Variants in TNFRSF8 observed in about 807,000 individuals in gnomAD.
TNFRSF8 encodes the protein TNF receptor superfamily member 8.
TNFRSF8 carries 26 observed loss-of-function variants against 70.8 expected under a neutral mutation model. The ratio of observed to expected loss-of-function variants is 0.37; its 90% CI spans 0.27 to 0.51. The LOEUF (loss-of-function observed/expected upper bound fraction) is 0.51. TNFRSF8 is among the 20% of genes least tolerant of loss of function. The pLI, the probability that TNFRSF8 is intolerant of heterozygous loss-of-function variation, is 0.94. For synonymous variants in TNFRSF8, 356 were observed against 339.2 expected, an observed-to-expected ratio of 1.05 and a Z score of -0.54; for missense variants, 720 against 807.9, an observed-to-expected ratio of 0.89 and a Z score of 1.32.
intron 10 of TNFRSF8, 71 bp downstream of exon 10, chr1:12,123,898 G>A: frequency 1.5e-6 from 2 of 1,342,564 alleles, no homozygotes; most frequent in Non-Finnish European, 2.1e-6. Flanking sequence ...GATTGGGGGA[G>A]CCAGGAGGGA....
In TNFRSF8 at chr1:12,119,841, T is replaced by C. The variant is rs1195158581; in HGVS notation, c.947-3443T>C. ...TAAATACCTAGGAGGAGTGGCTAGG[T>C]CATTGTGCTGGTCACATAGTCAGAA... On this transcript the variant is annotated intron_variant, in intron 8 of 14. Transcript: ENST00000263932. This position sits in a 1 kb window ranked among gnomAD's most constrained non-coding sequence, Gnocchi z 4.4. 6.6e-6 allele frequency among the ~76,000 whole-genome samples: 1 copy of C among 152,166 alleles called. No homozygotes were observed. Among genetic ancestry groups the C allele is most frequent in the Non-Finnish European group, 1.5e-5 (1 of 68,034 alleles).
intron 1 of TNFRSF8, among the ~76,000 whole-genome samples, chr1:12,064,848 G>A (rs1276959062): frequency 6.6e-6 from 1 of 152,208 alleles, no homozygotes; most frequent in Non-Finnish European, 1.5e-5. Flanking sequence ...TCACCTGGGG[G>A]AAGGTAAGAG....
chr1:12,094,049 A>G (rs1466682580), intron 2 of TNFRSF8, among the ~76,000 whole-genome samples: 1 of 118,624 alleles, frequency 8.4e-6, no homozygotes, highest in South Asian at 2.9e-4. Flanking sequence ...ACAGAGCAAG[A>G]CTTTGTCTCA....
intron 2 of TNFRSF8, among the ~76,000 whole-genome samples, chr1:12,091,241 C>T (rs1311135419): frequency 6.6e-6 from 1 of 152,208 alleles, no homozygotes; most frequent in Non-Finnish European, 1.5e-5. Context: ...GATCTGAGTA[C>T]AGTTGGTGAT....
In TNFRSF8 at chr1:12,103,303, C is replaced by T. The variant is rs199782250; in HGVS notation, c.269-1076C>T. Among the ~76,000 whole-genome samples the T allele has an allele frequency of 2.1e-3, 311 of 151,686 alleles. 2 individuals carry two copies. Among genetic ancestry groups the T allele is most frequent in the African/African-American group, 6.2e-3 (257 of 41,308 alleles). ...CACTTGAACCCAGGTTGCAGTGAGC[C>T]GAGATTGCGCCATTGCACTCCAACC... On this transcript the variant is annotated intron_variant, in intron 3 of 14. Transcript: ENST00000263932.
chr1:12,115,440 C>A, intron 7 of TNFRSF8, 137 bp from the exon 8 acceptor site: 1 of 966,990 alleles, frequency 1.0e-6, no homozygotes, highest in Non-Finnish European at 1.6e-6. Flanking sequence ...AGCTGCTCAA[C>A]GGCATAGTCA....
At chr1:12,064,486 ACCATAGTAGGTG>A (rs11569793) in intron 1 of TNFRSF8, among the ~76,000 whole-genome samples, 6,422 of 152,042 alleles carry the variant, frequency 0.042, 428 homozygotes, top group African/African-American at 0.15. Flanking sequence ...CCTGCATAGA[ACCATAGTAGGTG>A]CGAGTGGATG....
intron 13 of TNFRSF8, among the ~76,000 whole-genome samples, chr1:12,137,335 C>G (rs967993569): frequency 2.0e-5 from 3 of 148,302 alleles, no homozygotes; most frequent in African/African-American, 5.0e-5. Flanking sequence ...ATAATAATGG[C>G]AAAGACGTGA....
intron 7 of TNFRSF8, among the ~76,000 whole-genome samples, chr1:12,114,308 C>G (rs1315498362): frequency 6.6e-6 from 1 of 152,216 alleles, no homozygotes; most frequent in African/African-American, 2.4e-5. Context: ...GCTGAGACTA[C>G]TGTCTCACAC....
chr1:12,104,687 G>A (rs1273734577), intron 4 of TNFRSF8, among the ~76,000 whole-genome samples, 156 bp downstream of exon 4: 1 of 152,226 alleles, frequency 6.6e-6, no homozygotes, highest in Non-Finnish European at 1.5e-5. Context: ...GATGTACCCA[G>A]CACCCAGCCC....
Position 12,103,311 on chromosome 1 carries a change from C to T in TNFRSF8, c.269-1068C>T, listed in dbSNP as rs146020540. The stretch of plus-strand genomic sequence containing the variant: ...CCCAGGTTGCAGTGAGCCGAGATTG[C>T]GCCATTGCACTCCAACCTGGGTGAC... On this transcript the variant is annotated intron_variant, in intron 3 of 14. Transcript: ENST00000263932. 5.7e-3 allele frequency among the ~76,000 whole-genome samples: 865 copies of T among 151,768 alleles called. 4 individuals are homozygous for T. The highest frequency in any genetic ancestry group is 0.02 in the African/African-American group (820 of 41,346).
chr1:12,095,129 C>T lies in TNFRSF8; in HGVS notation c.152-1972C>T, dbSNP rs185434081. Among the ~76,000 whole-genome samples, 3 of 152,294 alleles carry T rather than the reference C, an allele frequency of 2.0e-5. No individual in the cohort carries two copies. In the East Asian group the frequency reaches 5.8e-4, roughly 29 times the overall value. ...ACAAAGCACAGTGGTAATTGTAGTA[C>T]ACGGCTTTGTCCTCAGCGGAAATCA... is the stretch of plus-strand genomic sequence containing the variant. On this transcript the variant is annotated intron_variant, in intron 2 of 14. Transcript: ENST00000263932.
chr1:12,073,540 T>C (rs540314054), intron 1 of TNFRSF8, among the ~76,000 whole-genome samples: 38 of 151,288 alleles, frequency 2.5e-4, no homozygotes, highest in African/African-American at 9.2e-4. Context: ...TTCCGTTCCT[T>C]TCCCTTTCGT....
In TNFRSF8 at chr1:12,142,539, G is replaced by C. The variant is rs748298062; in HGVS notation, c.*8G>C. 6.4e-7 allele frequency: 1 copy of C among 1,558,780 alleles called. No homozygotes were observed. The highest frequency in any genetic ancestry group is 1.4e-5 in the African/African-American group (1 of 73,468). ...GCTGCCTCTGGAAAGTGAGGCCTGG[G>C]CTGGGCTGGGGCTAGGAGGGCAGCA... On this transcript the variant is annotated 3_prime_UTR_variant, in exon 15 of 15. Transcript: ENST00000263932. This position sits in a 1 kb window ranked among gnomAD's most constrained non-coding sequence, Gnocchi z 5.0.
intron 12 of TNFRSF8, among the ~76,000 whole-genome samples, chr1:12,128,375 G>A (rs1641980511): frequency 1.3e-5 from 2 of 152,350 alleles, no homozygotes; most frequent in Admixed American, 1.3e-4. Context: ...AGGGATCTGT[G>A]GTCCGTGCAG....
chr1:12,064,629 A>T (rs912579226), intron 1 of TNFRSF8, among the ~76,000 whole-genome samples: 14 of 152,156 alleles, frequency 9.2e-5, no homozygotes, highest in Non-Finnish European at 2.1e-4. Context: ...ACTCCATGCT[A>T]TGGATCAATT....
chr1:12,104,244 G>T, intron 3 of TNFRSF8, 135 bp from the exon 4 acceptor site: 1 of 823,112 alleles, frequency 1.2e-6, no homozygotes, highest in Non-Finnish European at 1.9e-6. Context: ...CAATTTTAGT[G>T]GTCACCAGGG....
At position 12,109,674 on chromosome 1, in the gene TNFRSF8, C is replaced by G; in HGVS notation, c.512+18C>G. On this transcript the variant is annotated intron_variant, in intron 5 of 14. Transcript: ENST00000263932. The surrounding 1 kb of genome is among the most constrained non-coding windows in gnomAD (Gnocchi z 4.4). ...CCCTCCAGGTGACTCCCTGGCTTTG[C>G]CTCCTCCTCTTCCCCCAAGCTGGCT... is the stretch of plus-strand genomic sequence containing the variant. The G allele has an allele frequency of 1.2e-6, 2 of 1,605,434 alleles. No homozygotes were observed. The highest frequency in any genetic ancestry group is 1.7e-4 in the Middle Eastern group (1 of 6,038).
At chr1:12,094,058 C>CAA (rs778868213) in intron 2 of TNFRSF8, among the ~76,000 whole-genome samples, 10,241 of 84,562 alleles carry the variant, frequency 0.12, 603 homozygotes, top group Non-Finnish European at 0.16. Context: ...GACTTTGTCT[C>CAA]AAAAAAAAAA....
Sources: allele counts gnomAD v4.1 joint callset (sites outside exome capture counted in the v4.1 genomes callset), GRCh38; gene constraint gnomAD v4.1.1; non-coding constraint Gnocchi (gnomAD v3.1); transcripts MANE v1.5; gene names NCBI Gene and HGNC (gene_info 2026-07-23, HGNC 2026-07-21).